Variants in TBC1D30 observed in about 807,000 individuals in gnomAD.
TBC1D30 encodes TBC1 domain family, member 30.
Under a neutral mutation model 63.2 loss-of-function variants are expected in TBC1D30, and 31 were observed. That is an observed-to-expected ratio of 0.49 (90% CI 0.37 to 0.66). The LOEUF is 0.66. Among genes scored for constraint, TBC1D30 ranks in the 30% least tolerant of loss-of-function variants. The pLI is 0.00. For missense variants in TBC1D30, 810 were observed against 953.6 expected, an observed-to-expected ratio of 0.85 and a Z score of 1.98; for synonymous variants, 307 against 361.5, an observed-to-expected ratio of 0.85 and a Z score of 1.71.
chr12:64,827,756 A>G lies in TBC1D30; in HGVS notation c.155-79A>G, dbSNP rs892158745. The G allele has an allele frequency of 1.4e-5, 14 of 1,032,018 alleles. No homozygotes were observed. In the African/African-American group the frequency reaches 2.3e-4, roughly 17 times the overall value. 63.9% of individuals were successfully genotyped at this position (1,032,018 alleles called of 1,614,324 possible). ...AAAAAAATTGTGATGATTCAGTAGAATCAAGCTTTTACTAGTATTTTTGAT... is the reference window on the plus strand; with the variant it reads ...AAAAAAATTGTGATGATTCAGTAGAGTCAAGCTTTTACTAGTATTTTTGAT... On this transcript the variant is annotated intron_variant, in intron 1 of 11. Coordinates refer to ENST00000539867, the MANE Select transcript of TBC1D30 (RefSeq NM_015279.2).
Position 64,843,491 on chromosome 12 carries a change from T to C in TBC1D30, c.1038+6T>C. ...AAAGCCATGAACTCATGCAGGTGAG[T>C]CGGCAACATGGAGCAGCTTGGCTCG... On this transcript the variant is annotated splice_donor_region_variant and intron_variant, in intron 8 of 11. Transcript: ENST00000539867. 1 of 1,535,294 alleles carries C rather than the reference T, an allele frequency of 6.5e-7. No individual in the cohort carries two copies. Among genetic ancestry groups the C allele is most frequent in the Non-Finnish European group, 8.7e-7 (1 of 1,146,320 alleles).
Position 64,803,182 on chromosome 12 carries a change from C to T in TBC1D30, c.643+17137C>T, listed in dbSNP as rs960073414. ...TGTTGTTTCCTGACTTTTTAATGATCGCCATTCTAACTGGTGTGAGATGGC... is the reference window on the plus strand; with the variant it reads ...TGTTGTTTCCTGACTTTTTAATGATTGCCATTCTAACTGGTGTGAGATGGC... On this transcript the variant is annotated intron_variant, in intron 2 of 12. Coordinates refer to the TBC1D30 transcript ENST00000542120. Among the ~76,000 whole-genome samples, 8 of 152,210 alleles carry T rather than the reference C, an allele frequency of 5.3e-5. No individual in the cohort carries two copies. In the South Asian group the frequency reaches 6.2e-4, roughly 12 times the overall value.
chr12:64,777,739 C>T (rs1871125510), upstream of TBC1D30, among the ~76,000 whole-genome samples: 1 of 152,208 alleles, frequency 6.6e-6, no homozygotes, highest in African/African-American at 2.4e-5. Flanking sequence ...ACATTCTCCA[C>T]AGAACTAGAA....
At chr12:64,820,730 C>T (rs770748915), upstream of TBC1D30, among the ~76,000 whole-genome samples, 8 of 152,204 alleles carry the variant, frequency 5.3e-5, no homozygotes, top group East Asian at 3.8e-4. Context: ...ACATCTTTCA[C>T]GTTTGTAAAA....
Position 64,836,515 on chromosome 12 carries a change from T to C in TBC1D30, c.620T>C (p.Val207Ala). 1.3e-6 allele frequency: 2 copies of C among 1,535,958 alleles called. No homozygotes were observed. Among genetic ancestry groups the C allele is most frequent in the Non-Finnish European group, 1.7e-6 (2 of 1,146,804 alleles). The change falls in exon 6 of 12, where the codon GTA becomes GCA. Residue 207 changes from valine (V) to alanine (A), a missense_variant. Physicochemically the swap from Val to Ala is moderately conservative, Grantham distance 64. Transcript: ENST00000539867. ...LKIMIYLIDK[V>A]LPESYFVNNL... ...ATTATGATTTACCTTATTGATAAGG[T>C]ACTTCCCGAAAGCTATTTCGTCAAT...
At chr12:64,776,128 G>A (rs1392564144), upstream of TBC1D30, among the ~76,000 whole-genome samples, 3 of 152,208 alleles carry the variant, frequency 2.0e-5, no homozygotes, top group East Asian at 5.8e-4. Context: ...AGCTAAGGCA[G>A]TGTTAAGAGG....
intron 11 of TBC1D30, among the ~76,000 whole-genome samples, chr12:64,872,816 A>G (rs1309970596): frequency 1.3e-5 from 2 of 152,206 alleles, no homozygotes; most frequent in Non-Finnish European, 2.9e-5. Flanking sequence ...TCTTACGTGG[A>G]TGGCAGCAGG....
intron 5 of TBC1D30, among the ~76,000 whole-genome samples, chr12:64,834,568 A>G (rs781138498): frequency 2.2e-4 from 33 of 151,628 alleles, no homozygotes; most frequent in Admixed American, 7.2e-4. Flanking sequence ...CACCACGCCC[A>G]GCAAATTTTT....
intron 8 of TBC1D30, among the ~76,000 whole-genome samples, chr12:64,863,036 C>T (rs1315662096): frequency 1.3e-5 from 2 of 152,198 alleles, no homozygotes; most frequent in South Asian, 2.1e-4. Flanking sequence ...AAGAATTCTG[C>T]AGTGGCAGCG....
chr12:64,783,295 G>A (rs768550893), intron 1 of TBC1D30, among the ~76,000 whole-genome samples: 6 of 152,078 alleles, frequency 3.9e-5, no homozygotes, highest in Non-Finnish European at 8.8e-5. Flanking sequence ...ATATCCGGCC[G>A]CAGTTCCTTA....
chr12:64,774,560 C>A (rs958104188), intron 1 of TBC1D30, among the ~76,000 whole-genome samples: 1 of 152,106 alleles, frequency 6.6e-6, no homozygotes. Context: ...AGGTCACTTA[C>A]AAAGGGAAGC....
Position 64,824,855 on chromosome 12 carries a change from G to A in TBC1D30, c.-25G>A. 6.5e-7 allele frequency: 1 copy of A among 1,530,258 alleles called. No individual in the cohort carries two copies. The highest frequency in any genetic ancestry group is 8.7e-7 in the Non-Finnish European group (1 of 1,144,408). 94.8% of individuals were successfully genotyped at this position (1,530,258 alleles called of 1,614,324 possible). A position where few individuals can be genotyped will look rare whatever the true frequency, so the allele number is the denominator to read the frequency against. On this transcript the variant is annotated 5_prime_UTR_variant, in exon 1 of 12. In the 5' UTR this introduces an upstream ATG that the reference lacks. Coordinates refer to ENST00000539867, the MANE Select transcript of TBC1D30 (RefSeq NM_015279.2). ...GCGGGGACCGAGACGGACGGTAGCC[G>A]TGCCAGAGCCCGGGGCGCTCTCGGA... is the stretch of plus-strand genomic sequence containing the variant.
At chr12:64,773,511 C>T (rs1189204938) in intron 1 of TBC1D30, among the ~76,000 whole-genome samples, 1 of 152,224 alleles carries the variant, frequency 6.6e-6, no homozygotes, top group Non-Finnish European at 1.5e-5. Flanking sequence ...TTAAGTGGGT[C>T]CCTGATCCCC....
chr12:64,784,207 G>GAC (rs909911766), intron 1 of TBC1D30, among the ~76,000 whole-genome samples: 2 of 151,858 alleles, frequency 1.3e-5, no homozygotes, highest in Non-Finnish European at 2.9e-5. Flanking sequence ...TGTTTATAAA[G>GAC]ACCATACCCA....
At chr12:64,783,812 T>A (rs1420350069) in intron 1 of TBC1D30, among the ~76,000 whole-genome samples, 1 of 70,902 alleles carries the variant, frequency 1.4e-5, no homozygotes, top group Non-Finnish European at 3.0e-5. Context: ...TTCCTACCCC[T>A]TTTATTTCTA....
At chr12:64,815,783 ATTCTTTTTTTT>A (rs1401411053) in intron 2 of TBC1D30, among the ~76,000 whole-genome samples, 4 of 151,912 alleles carry the variant, frequency 2.6e-5, no homozygotes, top group African/African-American at 9.7e-5. Context: ...ATAATGTAAG[ATTCTTTTTTTT>A]TTCTTTTTTG....
intron 2 of TBC1D30, among the ~76,000 whole-genome samples, chr12:64,816,199 A>G (rs1194302155): frequency 6.6e-6 from 1 of 151,836 alleles, no homozygotes; most frequent in East Asian, 1.9e-4. Flanking sequence ...CACCTGGCTA[A>G]TTTTTGTATT....
At chr12:64,797,212 T>G (rs939038905) in intron 2 of TBC1D30, among the ~76,000 whole-genome samples, 1 of 152,204 alleles carries the variant, frequency 6.6e-6, no homozygotes, top group Non-Finnish European at 1.5e-5. Flanking sequence ...GCTATTCTAA[T>G]GTGCAGAAAA....
intron 2 of TBC1D30, among the ~76,000 whole-genome samples, chr12:64,813,613 G>A (rs898462844): frequency 1.3e-5 from 2 of 152,158 alleles, no homozygotes; most frequent in Non-Finnish European, 2.9e-5. Flanking sequence ...CACCTGATGA[G>A]TAGAGCAAAC....
Sources: allele counts gnomAD v4.1 joint callset (sites outside exome capture counted in the v4.1 genomes callset), GRCh38; gene constraint gnomAD v4.1.1; transcripts MANE v1.5; gene names NCBI Gene and HGNC (gene_info 2026-07-23, HGNC 2026-07-21).